GSN: variants seen among roughly 807,000 people sequenced by gnomAD.
GSN encodes the protein gelsolin.
GSN carries 56 observed loss-of-function variants against 85.7 expected under a neutral mutation model. That is an observed-to-expected ratio of 0.65 (90% confidence interval 0.53 to 0.82). The LOEUF is 0.82. Among genes scored for constraint, GSN ranks in the 40% least tolerant of loss-of-function variants. The pLI is 0.00. For synonymous variants in GSN, 373 were observed against 399.1 expected (o/e 0.93, Z 0.78); for missense variants, 857 against 979.8 (o/e 0.87, Z 1.67).
intron 4 of GSN, among the ~76,000 whole-genome samples, chr9:121,216,105 GC>G (rs1195354365): frequency 6.6e-6 from 1 of 151,938 alleles, no homozygotes; most frequent in Non-Finnish European, 1.5e-5. Flanking sequence ...TTGCCAGCAG[GC>G]CTGGCTAATT....
chr9:121,304,572 G>A (rs7866809), intron 4 of GSN, among the ~76,000 whole-genome samples: 3,186 of 152,302 alleles, frequency 0.021, 113 homozygotes, highest in African/African-American at 0.073. Context: ...ATCTTTGGGC[G>A]GGTGTTCTCA....
intron 2 of GSN, chr9:121,300,100 A>AT (rs1184598368): frequency 2.5e-6 from 4 of 1,611,298 alleles, no homozygotes; most frequent in Admixed American, 1.7e-5. Context: ...ATTCAGGTCT[A>AT]GAATGGAAAA....
At chr9:121,204,658 A>G (rs1427004520), upstream of GSN, among the ~76,000 whole-genome samples, 1 of 152,238 alleles carries the variant, frequency 6.6e-6, no homozygotes, top group Non-Finnish European at 1.5e-5. Context: ...CTATAAGAAG[A>G]GATGTATACA....
chr9:121,326,419 A>C, intron 12 of GSN, 93 bp from the exon 13 acceptor site: 4 of 1,008,454 alleles, frequency 4.0e-6, no homozygotes, highest in Non-Finnish European at 6.2e-6. Context: ...CACAAGCATG[A>C]TGGCTTCGTC....
chr9:121,220,655 TA>T (rs1346664575), intron 4 of GSN, among the ~76,000 whole-genome samples: 2 of 152,234 alleles, frequency 1.3e-5, no homozygotes, highest in Non-Finnish European at 2.9e-5. Flanking sequence ...CTAAACCACC[TA>T]GTGAGATAGT....
At position 121,301,958 on chromosome 9, in the gene GSN, C is replaced by T. The variant is rs1166455790; in HGVS notation, c.-9-5C>T. 1.2e-6 allele frequency: 2 copies of T among 1,614,020 alleles called. No individual in the cohort carries two copies. The highest frequency in any genetic ancestry group is 1.7e-6 in the Non-Finnish European group (2 of 1,179,994). On this transcript the variant is annotated splice_region_variant and splice_polypyrimidine_tract_variant and intron_variant, in intron 2 of 17. Coordinates refer to ENST00000432226, the MANE Select transcript of GSN (RefSeq NM_198252.3). ...CCGCTTAGGCTCTGCCCTGTCTCAT[C>T]CCAGCCCAACAGCATGGTGGTGGAA...
intron 14 of GSN, 34 bp downstream of exon 14, chr9:121,327,516 G>T: frequency 6.6e-7 from 1 of 1,518,188 alleles, no homozygotes; most frequent in Non-Finnish European, 8.9e-7. Flanking sequence ...GCTGCTGTCC[G>T]GATGCAGCTA....
intron 2 of GSN, chr9:121,286,580 G>C: frequency 6.8e-7 from 1 of 1,479,012 alleles, no homozygotes; most frequent in Non-Finnish European, 8.9e-7. Flanking sequence ...GGCCATGGGT[G>C]CTCCCTCCTT....
Position 121,299,256 on chromosome 9 carries a change from G to A in GSN, c.-9-2707G>A, listed in dbSNP as rs2059517497. 3.1e-6 allele frequency: 3 copies of A among 982,548 alleles called. No individual in the cohort carries two copies. Among genetic ancestry groups the A allele is most frequent in the Non-Finnish European group, 3.6e-6 (3 of 827,234 alleles). 60.9% of individuals were successfully genotyped at this position (982,548 alleles called of 1,614,324 possible). On this transcript the variant is annotated intron_variant, in intron 2 of 17. Coordinates refer to ENST00000432226, the MANE Select transcript of GSN (RefSeq NM_198252.3). This position sits in a 1 kb window ranked among gnomAD's most constrained non-coding sequence, Gnocchi z 4.2. ...TGCCCCGCCCCTCTGAGTCCTGCCG[G>A]CTTCACCTGCCCACGGGAGCCGGGT... is the stretch of plus-strand genomic sequence containing the variant.
intron 8 of GSN, 87 bp downstream of exon 8, chr9:121,317,305 AGT>A: frequency 7.3e-7 from 1 of 1,374,904 alleles, no homozygotes; most frequent in Non-Finnish European, 1.0e-6. Context: ...GCTCCCGGGG[AGT>A]GTGGAGTGTG....
chr9:121,326,811 T>C, intron 13 of GSN, 129 bp downstream of exon 13: 1 of 899,012 alleles, frequency 1.1e-6, no homozygotes, highest in Non-Finnish European at 1.9e-6. Context: ...CAGCTTTTTG[T>C]ATTTTCCTGC....
chr9:121,319,310 G>T (rs918052346), intron 10 of GSN, among the ~76,000 whole-genome samples: 1 of 152,110 alleles, frequency 6.6e-6, no homozygotes, highest in Non-Finnish European at 1.5e-5. Context: ...GGAGGGACTC[G>T]CTATGTTCGG....
At chr9:121,242,418 C>T (rs987443794) in intron 5 of GSN, among the ~76,000 whole-genome samples, 8 of 152,064 alleles carry the variant, frequency 5.3e-5, no homozygotes, top group African/African-American at 1.9e-4. Context: ...ACCTTGGTGA[C>T]TCACAGAGTT....
the GSN span, among the ~76,000 whole-genome samples, chr9:121,202,196 G>T: frequency 2.0e-5 from 3 of 152,372 alleles, no homozygotes; most frequent in South Asian, 6.2e-4. Context: ...TAGGGTTGTC[G>T]CTCGTGGAGA....
At chr9:121,300,980 C>T (rs567485153) in intron 2 of GSN, among the ~76,000 whole-genome samples, 10 of 152,312 alleles carry the variant, frequency 6.6e-5, no homozygotes, top group Admixed American at 3.3e-4. Context: ...TGCCAGGCCC[C>T]GTGCTGGAAA....
intron 5 of GSN, among the ~76,000 whole-genome samples, chr9:121,245,513 T>C (rs1277878669): frequency 6.6e-6 from 1 of 152,174 alleles, no homozygotes; most frequent in Admixed American, 6.5e-5. Flanking sequence ...TGCACCACCA[T>C]GCCCAGTTAA....
chr9:121,221,575 G>A (rs1024860076), intron 4 of GSN, among the ~76,000 whole-genome samples: 1 of 152,176 alleles, frequency 6.6e-6, no homozygotes, highest in African/African-American at 2.4e-5. Flanking sequence ...AGGTAAAAGA[G>A]CATTAGGCCA....
chr9:121,330,504 G>C (rs999389631), intron 16 of GSN, among the ~76,000 whole-genome samples: 2 of 152,330 alleles, frequency 1.3e-5, no homozygotes, highest in African/African-American at 4.8e-5. Context: ...GAACCCAGGA[G>C]GCGGAGGTTG....
At chr9:121,323,370 CG>C (rs1480229207) in intron 11 of GSN, among the ~76,000 whole-genome samples, 1 of 75,114 alleles carries the variant, frequency 1.3e-5, no homozygotes, top group Non-Finnish European at 3.0e-5. Flanking sequence ...TTCCCATTAC[CG>C]TTTTTTTTTT....
Sources: gnomAD v4.1 joint callset for allele counts (sites outside exome capture counted in the v4.1 genomes callset) on GRCh38, gnomAD v4.1.1 for gene constraint, Gnocchi (gnomAD v3.1) non-coding constraint, MANE v1.5 for transcripts, NCBI Gene and HGNC (gene_info 2026-07-23, HGNC 2026-07-21) for gene names.